IL1RAPL1: variants seen among roughly 807,000 people sequenced by gnomAD.
IL1RAPL1 encodes the protein interleukin 1 receptor accessory protein like 1, also known as interleukin-1 receptor accessory protein-like 1.
IL1RAPL1 carries 3 observed loss-of-function variants against 48.4 expected under a neutral mutation model. The observed-to-expected ratio is 0.06, with a 90% CI of 0.03 to 0.16. The LOEUF is 0.16. Among genes scored for constraint, IL1RAPL1 ranks in the 10% least tolerant of loss-of-function variants. IL1RAPL1 has a pLI of 1.00. For missense variants in IL1RAPL1, 349 were observed against 530.6 expected (o/e 0.66, Z 3.36); for synonymous variants, 185 against 187.7 (o/e 0.99, Z 0.12).
At chrX:29,949,203 T>A (rs1391890414) in intron 9 of IL1RAPL1, among the ~76,000 whole-genome samples, 1 of 112,206 alleles carries the variant, frequency 8.9e-6, no homozygotes, top group East Asian at 2.8e-4. Flanking sequence ...CATTTTTTCC[T>A]TCTTCATCAA....
intron 2 of IL1RAPL1, among the ~76,000 whole-genome samples, chrX:28,938,984 A>G (rs184587923): frequency 6.4e-4 from 70 of 109,430 alleles, no homozygotes; most frequent in Non-Finnish European, 1.3e-3. Flanking sequence ...ACCATCTCGT[A>G]CCAGTCAGAA....
chrX:29,512,743 T>G (rs1445404874), intron 5 of IL1RAPL1, among the ~76,000 whole-genome samples: 2 of 111,953 alleles, frequency 1.8e-5, no homozygotes. Flanking sequence ...CATTACATAT[T>G]CCCAAGAATA....
intron 5 of IL1RAPL1, among the ~76,000 whole-genome samples, chrX:29,399,636 T>C (rs1442107744): frequency 2.7e-5 from 3 of 110,697 alleles, no homozygotes; most frequent in South Asian, 3.8e-4. Flanking sequence ...CTGGCCAACA[T>C]GGTGAAACCC....
At chrX:29,713,752 G>T (rs2147122080) in intron 6 of IL1RAPL1, among the ~76,000 whole-genome samples, 1 of 112,018 alleles carries the variant, frequency 8.9e-6, no homozygotes, top group African/African-American at 3.2e-5. Context: ...CTGCACATCA[G>T]TGGAAATAAA....
chrX:28,705,757 G>C (rs1171842537), intron 1 of IL1RAPL1, among the ~76,000 whole-genome samples: 1 of 111,781 alleles, frequency 8.9e-6, no homozygotes, highest in Non-Finnish European at 1.9e-5. Flanking sequence ...ACTGATGACT[G>C]TAGGCACATG....
chrX:28,933,163 T>C (rs1160128611), intron 2 of IL1RAPL1, among the ~76,000 whole-genome samples: 4 of 112,010 alleles, frequency 3.6e-5, no homozygotes, highest in Non-Finnish European at 3.8e-5. Context: ...CTGTAGACAT[T>C]GTGTATGTGT....
intron 5 of IL1RAPL1, among the ~76,000 whole-genome samples, chrX:29,593,021 G>A (rs1923430311): frequency 8.9e-6 from 1 of 112,430 alleles, no homozygotes; most frequent in South Asian, 3.7e-4. Flanking sequence ...GATCCACGCT[G>A]CTTACAGGGA....
At chrX:29,008,733 A>T (rs1199927577) in intron 2 of IL1RAPL1, among the ~76,000 whole-genome samples, 4 of 110,360 alleles carry the variant, frequency 3.6e-5, no homozygotes, top group Non-Finnish European at 5.7e-5. Context: ...GGTATATTGT[A>T]TGATGCTGCA....
intron 3 of IL1RAPL1, among the ~76,000 whole-genome samples, chrX:29,323,025 A>G (rs1473435384): frequency 8.9e-6 from 1 of 111,976 alleles, no homozygotes; most frequent in African/African-American, 3.2e-5. Context: ...CTAATGATAA[A>G]TGTATTCATG....
At chrX:29,715,789 T>C (rs1172349680) in intron 6 of IL1RAPL1, among the ~76,000 whole-genome samples, 1 of 112,285 alleles carries the variant, frequency 8.9e-6, no homozygotes, top group South Asian at 3.7e-4. Flanking sequence ...TTCTGGTCTC[T>C]TTAATTCAAT....
At chrX:28,643,424 C>T (rs185973907) in intron 1 of IL1RAPL1, among the ~76,000 whole-genome samples, 8 of 111,252 alleles carry the variant, frequency 7.2e-5, no homozygotes, top group East Asian at 2.9e-4. Context: ...CATACCATCA[C>T]GTCTACAATA....
At chrX:28,784,566 A>G (rs1416378005) in intron 1 of IL1RAPL1, among the ~76,000 whole-genome samples, 1 of 111,537 alleles carries the variant, frequency 9.0e-6, no homozygotes, top group Non-Finnish European at 1.9e-5. Context: ...AAGTAGGTAA[A>G]AACTGAAATA....
chrX:29,746,684 T>C (rs1334365196), intron 6 of IL1RAPL1, among the ~76,000 whole-genome samples: 1 of 111,537 alleles, frequency 9.0e-6, no homozygotes, highest in Non-Finnish European at 1.9e-5. Flanking sequence ...CTCAGCTCAC[T>C]GCAACCTCTG....
rs145154521 is a variant in IL1RAPL1 at position 28,868,809 on chromosome X, T to A, written c.82+79384T>A. Among the ~76,000 whole-genome samples, 1,108 of 112,549 alleles carry A rather than the reference T, an allele frequency of 9.8e-3. 14 individuals are homozygous for A. Among genetic ancestry groups the A allele is most frequent in the Middle Eastern group, 0.037 (8 of 215 alleles). On this transcript the variant is annotated intron_variant, in intron 2 of 10. Transcript: ENST00000378993. ...AATCATTGACTAACTTCACCACAATTGAGACATCACTTACATGAAGTTCCT... is the reference window on the plus strand; with the variant it reads ...AATCATTGACTAACTTCACCACAATAGAGACATCACTTACATGAAGTTCCT...
chrX:29,165,486 A>T (rs1929770345), intron 2 of IL1RAPL1, among the ~76,000 whole-genome samples: 1 of 111,983 alleles, frequency 8.9e-6, no homozygotes, highest in African/African-American at 3.2e-5. Context: ...ACATTGTTTT[A>T]GTTTAATTTT....
Position 28,610,137 on chromosome X carries a change from G to A in IL1RAPL1, c.-25+22090G>A, listed in dbSNP as rs142912552. Among the ~76,000 whole-genome samples the A allele has an allele frequency of 9.8e-3, 1,093 of 111,907 alleles. 12 individuals carry two copies. Among genetic ancestry groups the A allele is most frequent in the African/African-American group, 0.033 (1,032 of 30,826 alleles). ...TTTTATGTTCTGCCAGCACATTCTT[G>A]GTTGTTGTACATTCCCCACTGATAG... On this transcript the variant is annotated intron_variant, in intron 1 of 10. Transcript: ENST00000378993.
At chrX:29,415,994 TAACA>T (rs1934210617) in intron 5 of IL1RAPL1, among the ~76,000 whole-genome samples, 1 of 111,787 alleles carries the variant, frequency 8.9e-6, no homozygotes. Flanking sequence ...GAGTTTTTGT[TAACA>T]AACTAAACTC....
intron 3 of IL1RAPL1, among the ~76,000 whole-genome samples, chrX:29,313,454 T>A (rs1304057117): frequency 1.8e-5 from 2 of 112,137 alleles, no homozygotes; most frequent in Non-Finnish European, 3.8e-5. Context: ...GATAATACTC[T>A]TCAAGAGTTT....
At chrX:28,969,312 A>G (rs749652283) in intron 2 of IL1RAPL1, among the ~76,000 whole-genome samples, 29 of 111,950 alleles carry the variant, frequency 2.6e-4, no homozygotes, top group Admixed American at 1.7e-3. Flanking sequence ...CCATTACATC[A>G]TGCTCTTTCC....
Sources: gnomAD v4.1 joint callset for allele counts (sites outside exome capture counted in the v4.1 genomes callset) on GRCh38, gnomAD v4.1.1 for gene constraint, MANE v1.5 for transcripts, NCBI Gene and HGNC (gene_info 2026-07-23, HGNC 2026-07-21) for gene names.